RALGPS1: variants seen among roughly 807,000 people sequenced by gnomAD.
RALGPS1 encodes the protein ras-specific guanine nucleotide-releasing factor RalGPS1.
RALGPS1 carries 19 observed loss-of-function variants against 78.8 expected under a neutral mutation model. That is an observed-to-expected ratio of 0.24 (90% confidence interval 0.17 to 0.35). The LOEUF (loss-of-function observed/expected upper bound fraction) is 0.35. Ranked by LOEUF, RALGPS1 falls within the 10% of genes least tolerant of loss-of-function variation. The pLI is 1.00. For missense variants in RALGPS1, 454 were observed against 688.3 expected (o/e 0.66, Z 3.81); for synonymous variants, 228 against 256.3 (o/e 0.89, Z 1.06).
chr9:127,167,065 G>A (rs1223833289), intron 9 of RALGPS1, among the ~76,000 whole-genome samples: 1 of 152,170 alleles, frequency 6.6e-6, no homozygotes, highest in Admixed American at 6.5e-5. Context: ...CCTGCCTCTG[G>A]GGAGCAAGGC....
intron 1 of RALGPS1, among the ~76,000 whole-genome samples, chr9:126,939,960 C>G (rs1175364231): frequency 6.6e-6 from 1 of 152,224 alleles, no homozygotes; most frequent in Non-Finnish European, 1.5e-5. Context: ...GGATACGTTT[C>G]ATTCGCCTCT....
intron 18 of RALGPS1, chr9:127,217,738 C>G (rs1424734723): frequency 6.6e-6 from 1 of 152,224 alleles, no homozygotes; most frequent in African/African-American, 2.4e-5. Context: ...AATTGCAGGT[C>G]ACGTACTTGA....
intron 8 of RALGPS1, among the ~76,000 whole-genome samples, chr9:127,161,680 C>A (rs2059027938): frequency 1.3e-5 from 2 of 152,114 alleles, no homozygotes; most frequent in South Asian, 4.2e-4. Flanking sequence ...GAGTGTTGAC[C>A]CCATAGGGGA....
At chr9:127,114,795 C>T (rs1538504) in intron 8 of RALGPS1, among the ~76,000 whole-genome samples, 3,740 of 152,322 alleles carry the variant, frequency 0.025, 56 homozygotes, top group Middle Eastern at 0.048. Context: ...CCCCTGACGT[C>T]GGGGTTCTGG....
rs368351033 is a variant in RALGPS1, at chr9:127,078,425, C to G, written c.610+9069C>G. On this transcript the variant is annotated intron_variant, in intron 8 of 18. Transcript: ENST00000259351. ...AACATAGCTTGACTCATGACTTACC[C>G]AACATCATATCCCAGGCGGATACCA... 4.6e-5 allele frequency among the ~76,000 whole-genome samples: 7 copies of G among 152,300 alleles called. No individual in the cohort carries two copies. The South Asian group carries it at 1.0e-3, about 23-fold the overall frequency.
chr9:126,995,199 A>G (rs1237876298), intron 4 of RALGPS1, among the ~76,000 whole-genome samples: 1 of 152,180 alleles, frequency 6.6e-6, no homozygotes, highest in Non-Finnish European at 1.5e-5. Flanking sequence ...TTAAGTGTAA[A>G]TGGGCTAAAT....
intron 8 of RALGPS1, among the ~76,000 whole-genome samples, chr9:127,082,226 C>A (rs547450250): frequency 4.6e-5 from 7 of 152,168 alleles, no homozygotes; most frequent in Non-Finnish European, 7.3e-5. Context: ...GTAGGATGTT[C>A]GGAGTAGCAA....
intron 1 of RALGPS1, among the ~76,000 whole-genome samples, chr9:126,926,825 C>T (rs1278127779): frequency 6.6e-6 from 1 of 152,038 alleles, no homozygotes; most frequent in Non-Finnish European, 1.5e-5. Flanking sequence ...TCAAAAGAAA[C>T]TGATGTAGAG....
intron 4 of RALGPS1, among the ~76,000 whole-genome samples, chr9:126,980,697 C>G (rs1394745387): frequency 1.3e-5 from 2 of 152,168 alleles, no homozygotes; most frequent in African/African-American, 4.8e-5. Flanking sequence ...ACCCTTAATT[C>G]AGCCCACAGA....
At chr9:126,928,167 G>A (rs2035472932) in intron 1 of RALGPS1, among the ~76,000 whole-genome samples, 1 of 152,206 alleles carries the variant, frequency 6.6e-6, no homozygotes, top group African/African-American at 2.4e-5. Context: ...AAACTGATCT[G>A]TGATCCATTG....
chr9:127,184,077 G>A, intron 11 of RALGPS1: 1 of 1,538,482 alleles, frequency 6.5e-7, no homozygotes, highest in Non-Finnish European at 8.7e-7. Flanking sequence ...TGTAATCCCA[G>A]CACTTTGGGA....
intron 11 of RALGPS1, among the ~76,000 whole-genome samples, chr9:127,179,596 A>G (rs1456683259): frequency 3.9e-5 from 6 of 152,316 alleles, no homozygotes; most frequent in Non-Finnish European, 8.8e-5. Context: ...TCATTCATTC[A>G]TTCACCCAAG....
chr9:127,196,707 C>A, intron 13 of RALGPS1, 76 bp downstream of exon 13: 3 of 1,464,610 alleles, frequency 2.0e-6, no homozygotes, highest in Admixed American at 2.3e-5. Flanking sequence ...GTCTCTGTGT[C>A]ACTGTGCCAT....
chr9:127,017,342 A>G (rs2044946630), intron 4 of RALGPS1, among the ~76,000 whole-genome samples: 1 of 152,266 alleles, frequency 6.6e-6, no homozygotes, highest in African/African-American at 2.4e-5. Context: ...AGTAGTAAGT[A>G]TCTGTGTAGC....
intron 4 of RALGPS1, among the ~76,000 whole-genome samples, chr9:127,002,131 A>G (rs926073415): frequency 1.3e-5 from 2 of 152,160 alleles, no homozygotes; most frequent in Non-Finnish European, 2.9e-5. Context: ...GCCCCCTCCA[A>G]GTCATCAACT....
chr9:126,926,822 A>T (rs767624883), intron 1 of RALGPS1, among the ~76,000 whole-genome samples: 11 of 152,108 alleles, frequency 7.2e-5, no homozygotes, highest in Non-Finnish European at 1.6e-4. Context: ...GGTTCAAAAG[A>T]AACTGATGTA....
rs772952377 is a variant in RALGPS1 at position 127,196,585 on chromosome 9, C to T, written c.1149C>T (p.Gly383=). 3.1e-6 allele frequency: 5 copies of T among 1,613,502 alleles called. No homozygotes were observed. The African/African-American group carries it at 4.0e-5, about 13-fold the overall frequency. The change falls in exon 13 of 19, where the codon GGC becomes GGT. Residue 383 remains glycine, a synonymous_variant. Transcript: ENST00000259351. ...TAGAGTCCCGCAGCCCCCGAAGGGG[C>T]CTGGCTCTGACCTCCTCCTCTGCTG... ...SVLESRSPRR[G]LALTSSSAVT...
At chr9:127,021,653 A>T (rs1204139006) in intron 4 of RALGPS1, among the ~76,000 whole-genome samples, 2 of 149,394 alleles carry the variant, frequency 1.3e-5, no homozygotes, top group African/African-American at 2.5e-5. Flanking sequence ...TTTAAAGAGA[A>T]CATCTGAATG....
chr9:126,970,425 T>C (rs959664458), intron 3 of RALGPS1, among the ~76,000 whole-genome samples: 2 of 152,142 alleles, frequency 1.3e-5, no homozygotes, highest in African/African-American at 4.8e-5. Context: ...CAGCTGAAAT[T>C]GGCAGGGATT....
Sources: allele counts gnomAD v4.1 joint callset (sites outside exome capture counted in the v4.1 genomes callset), GRCh38; gene constraint gnomAD v4.1.1; transcripts MANE v1.5; gene names NCBI Gene and HGNC (gene_info 2026-07-23, HGNC 2026-07-21).